The following SCN2A variants were observed in gnomAD, a reference collection of about 807,000 sequenced individuals.
The protein encoded by SCN2A is sodium channel protein type 2 subunit alpha.
A neutral mutation model predicts 188.7 loss-of-function variants in SCN2A; 20 were observed. That is an observed-to-expected ratio of 0.11 (90% CI 0.07 to 0.15). The LOEUF is 0.15. Among genes scored for constraint, SCN2A ranks in the 10% least tolerant of loss-of-function variants. The pLI is 1.00. For missense variants in SCN2A, 1,278 were observed against 2,445.0 expected, an observed-to-expected ratio of 0.52 and a Z score of 10.07; for synonymous variants, 804 against 833.1, an observed-to-expected ratio of 0.97 and a Z score of 0.60.
chr2:165,316,223 G>T (rs993343195), intron 11 of SCN2A, among the ~76,000 whole-genome samples: 4 of 151,978 alleles, frequency 2.6e-5, no homozygotes, highest in Non-Finnish European at 4.4e-5. Flanking sequence ...GTTTCAAAGG[G>T]GACTGAAACA....
intron 1 of SCN2A, among the ~76,000 whole-genome samples, chr2:165,264,764 G>A (rs558171637): frequency 3.3e-4 from 50 of 151,954 alleles, no homozygotes; most frequent in African/African-American, 1.1e-3. Flanking sequence ...TAATGGCCTC[G>A]TGCTCCAACC....
chr2:165,284,327 C>T (rs756680585), intron 1 of SCN2A, among the ~76,000 whole-genome samples: 28 of 152,002 alleles, frequency 1.8e-4, no homozygotes, highest in Non-Finnish European at 3.1e-4. Flanking sequence ...CCCGCCACCA[C>T]ACCTGGCTAA....
At chr2:165,275,362 T>A (rs1307840932) in intron 1 of SCN2A, among the ~76,000 whole-genome samples, 1 of 152,198 alleles carries the variant, frequency 6.6e-6, no homozygotes, top group East Asian at 1.9e-4. Context: ...TGATTATTTT[T>A]TCTCTCTTTT....
chr2:165,292,014 A>T (rs760684140), intron 1 of SCN2A, among the ~76,000 whole-genome samples: 106 of 152,222 alleles, frequency 7.0e-4, no homozygotes, highest in Non-Finnish European at 1.2e-3. Context: ...CTGCTACAGC[A>T]TCTAGCTGTA....
At chr2:165,329,201 C>A (rs756720290) in intron 13 of SCN2A, among the ~76,000 whole-genome samples, 1 of 151,998 alleles carries the variant, frequency 6.6e-6, no homozygotes, top group Non-Finnish European at 1.5e-5. Context: ...TAATGGATAG[C>A]CTCATGCTTA....
chr2:165,301,423 A>C (rs1323090069), intron 3 of SCN2A, among the ~76,000 whole-genome samples: 1 of 152,152 alleles, frequency 6.6e-6, no homozygotes, highest in Non-Finnish European at 1.5e-5. Context: ...ATCATTTGAA[A>C]ATGGTAGGAA....
At chr2:165,332,862 G>T (rs765947681) in intron 14 of SCN2A, among the ~76,000 whole-genome samples, 70 of 151,980 alleles carry the variant, frequency 4.6e-4, no homozygotes, top group Non-Finnish European at 7.2e-4. Context: ...GCTAGATTCA[G>T]GTTCTCAGCC....
rs76684604 is a variant in SCN2A at position 165,280,886 on chromosome 2, T to G, written c.-51-14887T>G. Among the ~76,000 whole-genome samples the G allele has an allele frequency of 9.3e-3, 1,414 of 152,310 alleles. 19 individuals carry two copies. Among genetic ancestry groups the G allele is most frequent in the African/African-American group, 0.032 (1,346 of 41,558 alleles). ...CTAAGACATGTAGTTTACATTGCAATGTACAGAGACAAATAATAAACAATA... is the reference window on the plus strand; with the variant it reads ...CTAAGACATGTAGTTTACATTGCAAGGTACAGAGACAAATAATAAACAATA... On this transcript the variant is annotated intron_variant, in intron 1 of 26. Coordinates refer to ENST00000375437, the MANE Select transcript of SCN2A (RefSeq NM_001040142.2).
At chr2:165,296,267 A>C (rs1696505310) in intron 2 of SCN2A, 177 bp downstream of exon 2, 1 of 645,452 alleles carries the variant, frequency 1.5e-6, no homozygotes, top group African/African-American at 1.8e-5. Context: ...GGAAGCACTC[A>C]TTTGAACCTG....
chr2:165,355,530 T>C (rs1700133479), intron 17 of SCN2A, among the ~76,000 whole-genome samples: 1 of 152,128 alleles, frequency 6.6e-6, no homozygotes, highest in Non-Finnish European at 1.5e-5. Flanking sequence ...TTTCCAGTAA[T>C]TAAAGTTTGC....
intron 1 of SCN2A, among the ~76,000 whole-genome samples, chr2:165,265,136 G>A (rs1054781212): frequency 6.6e-6 from 1 of 151,902 alleles, no homozygotes; most frequent in African/African-American, 2.4e-5. Context: ...TGCAGTATCT[G>A]TTATTTTTTT....
At chr2:165,291,352 GTTCCTTCCTTCCTTCC>G (rs756578383) in intron 1 of SCN2A, among the ~76,000 whole-genome samples, 2,042 of 55,904 alleles carry the variant, frequency 0.037, 42 homozygotes, top group Middle Eastern at 0.093. Context: ...TCTGTCGTTC[GTTCCTTCCTTCCTTCC>G]TTCCTTCCTT....
intron 17 of SCN2A, among the ~76,000 whole-genome samples, chr2:165,356,422 A>G (rs1043162953): frequency 1.1e-4 from 17 of 152,194 alleles, no homozygotes; most frequent in African/African-American, 3.6e-4. Flanking sequence ...CCAATTTCAT[A>G]TACAGTGTAC....
chr2:165,296,170 G>C, intron 2 of SCN2A, 80 bp downstream of exon 2: 3 of 1,372,944 alleles, frequency 2.2e-6, no homozygotes, highest in Non-Finnish European at 3.1e-6. Context: ...GGTGAAGAAG[G>C]CTGGCCTCCT....
chr2:165,257,011 C>G (rs1694358275), intron 1 of SCN2A, among the ~76,000 whole-genome samples: 1 of 151,956 alleles, frequency 6.6e-6, no homozygotes, highest in South Asian at 2.1e-4. Context: ...TTTAAATATA[C>G]AGTGGCCTAA....
intron 15 of SCN2A, among the ~76,000 whole-genome samples, chr2:165,343,100 A>C (rs1025484731): frequency 3.9e-5 from 6 of 152,202 alleles, no homozygotes; most frequent in Non-Finnish European, 8.8e-5. Flanking sequence ...ATCACTTGAC[A>C]CATTTCCAGT....
chr2:165,337,042 A>T (rs906893724), intron 14 of SCN2A, among the ~76,000 whole-genome samples: 16 of 152,036 alleles, frequency 1.1e-4, no homozygotes, highest in African/African-American at 3.9e-4. Flanking sequence ...TGGAGGCACT[A>T]TTGTAAATAT....
intron 17 of SCN2A, among the ~76,000 whole-genome samples, chr2:165,357,030 T>C (rs919148616): frequency 6.6e-6 from 1 of 152,198 alleles, no homozygotes; most frequent in African/African-American, 2.4e-5. Flanking sequence ...CTTCCCAGCA[T>C]AGAGACTGTT....
At chr2:165,279,463 A>C (rs1019945917) in intron 1 of SCN2A, among the ~76,000 whole-genome samples, 1 of 152,186 alleles carries the variant, frequency 6.6e-6, no homozygotes, top group Non-Finnish European at 1.5e-5. Flanking sequence ...AGATCAGAGC[A>C]CAAAAGGATA....
Sources: gnomAD v4.1 joint callset for allele counts (sites outside exome capture counted in the v4.1 genomes callset) on GRCh38, gnomAD v4.1.1 for gene constraint, MANE v1.5 for transcripts, NCBI Gene and HGNC (gene_info 2026-07-23, HGNC 2026-07-21) for gene names.